Variants in ARHGEF9 observed in about 807,000 individuals in gnomAD.
ARHGEF9 encodes rho guanine nucleotide exchange factor 9.
A neutral mutation model predicts 41.3 loss-of-function variants in ARHGEF9; 2 were observed. The observed-to-expected ratio is 0.05, with a 90% CI of 0.02 to 0.15. ARHGEF9 has a LOEUF of 0.15. ARHGEF9 is among the 10% of genes least tolerant of loss of function. The probability of loss-of-function intolerance (pLI) is 1.00; values close to 1 mark genes in which losing one functional copy is unlikely to be tolerated. For synonymous variants in ARHGEF9, 160 were observed against 154.4 expected (o/e 1.04, Z -0.27); for missense variants, 225 against 424.7 (o/e 0.53, Z 4.13).
chrX:63,760,885 T>C (rs782175300), intron 1 of ARHGEF9, among the ~76,000 whole-genome samples: 1 of 112,122 alleles, frequency 8.9e-6, no homozygotes, highest in East Asian at 2.8e-4. Flanking sequence ...CCATACAAGT[T>C]TGAGGAAGCA....
intron 4 of ARHGEF9, among the ~76,000 whole-genome samples, chrX:63,696,510 G>A (rs782343601): frequency 9.0e-6 from 1 of 111,437 alleles, no homozygotes; most frequent in Non-Finnish European, 1.9e-5. Context: ...CTCCATCCTC[G>A]AAGTCCATGT....
intron 4 of ARHGEF9, among the ~76,000 whole-genome samples, chrX:63,685,568 G>A (rs2059226104): frequency 1.8e-5 from 2 of 112,038 alleles, no homozygotes; most frequent in South Asian, 7.3e-4. Flanking sequence ...TTAAAGACTT[G>A]CTATGAACCT....
At chrX:63,745,206 C>T (rs782294638) in intron 1 of ARHGEF9, among the ~76,000 whole-genome samples, 1 of 111,291 alleles carries the variant, frequency 9.0e-6, no homozygotes, top group African/African-American at 3.3e-5. Flanking sequence ...GGCAGGCAGG[C>T]GGAGAAATCA....
chrX:63,673,265 C>A (rs1378534777), intron 6 of ARHGEF9, among the ~76,000 whole-genome samples: 3 of 111,225 alleles, frequency 2.7e-5, no homozygotes, highest in Non-Finnish European at 3.8e-5. Flanking sequence ...AGGGAGCAGA[C>A]CCTACCTCTA....
chrX:63,738,465 C>G (rs2054748474), intron 1 of ARHGEF9, among the ~76,000 whole-genome samples: 1 of 111,631 alleles, frequency 9.0e-6, no homozygotes, highest in South Asian at 3.8e-4. Context: ...ATGGCTACTT[C>G]TTGGCAGGGC....
chrX:63,647,375 G>C (rs2048182409), intron 8 of ARHGEF9, among the ~76,000 whole-genome samples: 1 of 111,600 alleles, frequency 9.0e-6, no homozygotes, highest in Non-Finnish European at 1.9e-5. Context: ...GTTTGTCATA[G>C]ACAGCTCTTA....
Position 63,637,326 on chromosome X carries a change from CA to C in ARHGEF9, c.*701del. 1 of 296,674 alleles carries C rather than the reference CA, an allele frequency of 3.4e-6. No individual in the cohort carries two copies. Among genetic ancestry groups the C allele is most frequent in the Non-Finnish European group, 5.9e-6 (1 of 170,119 alleles). 24.4% of individuals were successfully genotyped at this position (296,674 alleles called of 1,213,427 possible). On this transcript the variant is annotated 3_prime_UTR_variant, in exon 10 of 10. Coordinates refer to ENST00000671741, the MANE Select transcript of ARHGEF9 (RefSeq NM_001353921.2). ...CACAGTACCTAAAACACAGTAAAAG[CA>C]ATAGGAATACTGAGCAGTTTTGTCA...
chrX:63,639,070 A>G (rs1392647213), intron 9 of ARHGEF9, among the ~76,000 whole-genome samples: 4 of 112,180 alleles, frequency 3.6e-5, no homozygotes, highest in Non-Finnish European at 7.5e-5. Context: ...CATACAGCAT[A>G]TAATTCAGAC....
At chrX:63,778,654 G>T (rs1313388004) in intron 1 of ARHGEF9, among the ~76,000 whole-genome samples, 1 of 112,224 alleles carries the variant, frequency 8.9e-6, no homozygotes, top group African/African-American at 3.2e-5. Context: ...TAATAAAACA[G>T]AATGCTTTTA....
At chrX:63,770,958 C>A (rs143470185) in intron 1 of ARHGEF9, among the ~76,000 whole-genome samples, 1 of 112,368 alleles carries the variant, frequency 8.9e-6, no homozygotes, top group African/African-American at 3.2e-5. Flanking sequence ...TTATCAGCAG[C>A]GTGAAAACAA....
chrX:63,680,212 A>G (rs1302282365), intron 4 of ARHGEF9, among the ~76,000 whole-genome samples: 1 of 112,581 alleles, frequency 8.9e-6, no homozygotes, highest in Non-Finnish European at 1.9e-5. Flanking sequence ...CTATCCATGA[A>G]CAAAAAATAA....
intron 6 of ARHGEF9, among the ~76,000 whole-genome samples, chrX:63,669,868 T>A (rs1289195742): frequency 8.9e-6 from 1 of 111,847 alleles, no homozygotes. Context: ...TCAATGAGAG[T>A]GGAAACTTTG....
intron 1 of ARHGEF9, among the ~76,000 whole-genome samples, chrX:63,782,969 T>G (rs782035937): frequency 1.9e-4 from 22 of 112,853 alleles, no homozygotes; most frequent in South Asian, 7.3e-4. Flanking sequence ...TCTTGAATTC[T>G]GGTAAACAGC....
intron 1 of ARHGEF9, among the ~76,000 whole-genome samples, chrX:63,746,511 T>C (rs1322625329): frequency 9.0e-6 from 1 of 111,436 alleles, no homozygotes; most frequent in East Asian, 2.8e-4. Context: ...GACGCCTAGG[T>C]TCTAGGCCAC....
chrX:63,695,142 G>GT (rs2051650210), intron 4 of ARHGEF9, among the ~76,000 whole-genome samples: 2 of 111,629 alleles, frequency 1.8e-5, no homozygotes, highest in African/African-American at 6.5e-5. Flanking sequence ...ATTTTTGGTT[G>GT]TCACAACTGG....
intron 8 of ARHGEF9, among the ~76,000 whole-genome samples, chrX:63,651,298 G>A (rs2048525314): frequency 1.8e-5 from 2 of 111,303 alleles, no homozygotes; most frequent in African/African-American, 6.5e-5. Flanking sequence ...GAGTGAATAA[G>A]AATTGATTGT....
chrX:63,732,985 CT>C (rs1556420970), intron 1 of ARHGEF9, among the ~76,000 whole-genome samples: 2 of 111,814 alleles, frequency 1.8e-5, no homozygotes, highest in Non-Finnish European at 3.8e-5. Context: ...CTCTCTCTGC[CT>C]CTTTCAGTAA....
chrX:63,668,317 T>C (rs781840924), intron 6 of ARHGEF9, among the ~76,000 whole-genome samples: 3 of 110,726 alleles, frequency 2.7e-5, no homozygotes, highest in Admixed American at 9.6e-5. Context: ...TTTATATTTT[T>C]AGTAGAGATG....
chrX:63,670,995 A>G (rs1556354889), intron 6 of ARHGEF9, among the ~76,000 whole-genome samples: 1 of 111,952 alleles, frequency 8.9e-6, no homozygotes, highest in Non-Finnish European at 1.9e-5. Flanking sequence ...GCAGACACTA[A>G]TTGCCTGCAT....
Sources: gnomAD v4.1 joint callset for allele counts (sites outside exome capture counted in the v4.1 genomes callset) on GRCh38, gnomAD v4.1.1 for gene constraint, MANE v1.5 for transcripts, NCBI Gene and HGNC (gene_info 2026-07-23, HGNC 2026-07-21) for gene names.